PPIP5K1: variants seen among roughly 807,000 people sequenced by gnomAD.
PPIP5K1 encodes inositol hexakisphosphate and diphosphoinositol-pentakisphosphate kinase 1.
PPIP5K1 carries 6 observed loss-of-function variants against 27.7 expected under a neutral mutation model. The ratio of observed to expected loss-of-function variants is 0.22; its 90% confidence interval spans 0.12 to 0.43. The LOEUF (loss-of-function observed/expected upper bound fraction) is 0.43, where lower values mean the gene tolerates loss of function less well. PPIP5K1 is among the 20% of genes least tolerant of loss of function. The pLI, the probability that PPIP5K1 is intolerant of heterozygous loss-of-function variation, is 1.00. For synonymous variants in PPIP5K1, 145 were observed against 242.6 expected, an observed-to-expected ratio of 0.60 and a Z score of 3.74; for missense variants, 394 against 635.4, an observed-to-expected ratio of 0.62 and a Z score of 4.08.
intron 30 of PPIP5K1, among the ~76,000 whole-genome samples, chr15:43,546,118 T>C: frequency 6.6e-6 from 1 of 152,352 alleles, no homozygotes; most frequent in African/African-American, 2.4e-5. Context: ...GGATATTTCA[T>C]ATAAATAAAA....
At chr15:43,556,088 G>C (rs981895640) in intron 30 of PPIP5K1, among the ~76,000 whole-genome samples, 2 of 152,110 alleles carry the variant, frequency 1.3e-5, no homozygotes, top group African/African-American at 4.8e-5. Flanking sequence ...GGGAGATCAA[G>C]TCAGGCGGAT....
At position 43,540,861 on chromosome 15, in the gene PPIP5K1, CAA is replaced by C. The variant is rs34085400; in HGVS notation, c.3557-1280_3557-1279del. Among the ~76,000 whole-genome samples the C allele has an allele frequency of 8.3e-3, 612 of 73,848 alleles. 3 individuals carry two copies. The highest frequency in any genetic ancestry group is 0.027 in the African/African-American group (575 of 21,156). The allele number at this position is 73,848 out of a possible 152,430, so 48.4% of individuals were successfully genotyped here. A position where few individuals can be genotyped will look rare whatever the true frequency, so the allele number is the denominator to read the frequency against. Reference sequence around the variant, plus strand: ...TGGGCGACAGAGAGAGACTCTGTCTCAAAAAAAAAAAAAAAAAAAAGAGAAGA... The same window carrying C: ...TGGGCGACAGAGAGAGACTCTGTCTCAAAAAAAAAAAAAAAAAAGAGAAGA... On this transcript the variant is annotated intron_variant, in intron 30 of 31. Transcript: ENST00000420765.
intron 26 of PPIP5K1, among the ~76,000 whole-genome samples, chr15:43,567,115 C>T (rs2084181485): frequency 2.9e-5 from 3 of 103,614 alleles, no homozygotes; most frequent in Middle Eastern, 4.1e-3. Flanking sequence ...ATTGTTGTTT[C>T]GGGTTTTTTT....
intron 30 of PPIP5K1, among the ~76,000 whole-genome samples, chr15:43,557,113 G>A (rs116992540): frequency 0.013 from 1,971 of 152,128 alleles, 20 homozygotes; most frequent in Non-Finnish European, 0.02. Flanking sequence ...TTCAATTTTT[G>A]TCAAATGCCT....
chr15:43,539,326 A>AG, intron 31 of PPIP5K1, 144 bp downstream of exon 31: 1 of 660,156 alleles, frequency 1.5e-6, no homozygotes, highest in Non-Finnish European at 2.8e-6. Flanking sequence ...CATCTTAGAA[A>AG]TGGCAGATGA....
intron 30 of PPIP5K1, among the ~76,000 whole-genome samples, chr15:43,557,061 G>A (rs1021660362): frequency 7.9e-5 from 12 of 152,196 alleles, no homozygotes; most frequent in African/African-American, 2.2e-4. Context: ...TTAGATTTCC[G>A]ATCCATATGG....
At position 43,552,938 on chromosome 15, in the gene PPIP5K1, G is replaced by A. The variant is rs536379449; in HGVS notation, c.3556+5857C>T. Among the ~76,000 whole-genome samples the A allele has an allele frequency of 5.3e-5, 8 of 152,138 alleles. No individual in the cohort carries two copies. The East Asian group carries it at 1.4e-3, about 26-fold the overall frequency. On this transcript the variant is annotated intron_variant, in intron 30 of 31. Coordinates refer to ENST00000420765, the MANE Select transcript of PPIP5K1 (RefSeq NM_001394395.1). ...CGTGCCTGTAGTCCCAGCTACTCAG[G>A]AGGCTGAGGTGGGGAATCGCTTGAA...
At chr15:43,558,759 G>A (rs1486650185) in intron 30 of PPIP5K1, 36 bp downstream of exon 30, 8 of 1,610,214 alleles carry the variant, frequency 5.0e-6, no homozygotes, top group Non-Finnish European at 6.8e-6. Flanking sequence ...GGGCATGGGG[G>A]CAGAGAGAAG....
chr15:43,539,822 T>C (rs1470744706), intron 30 of PPIP5K1, among the ~76,000 whole-genome samples: 1 of 152,226 alleles, frequency 6.6e-6, no homozygotes, highest in Non-Finnish European at 1.5e-5. Context: ...AATGCCCATA[T>C]ACCCGTCTCC....
chr15:43,535,110 C>T lies in PPIP5K1; in HGVS notation c.4037G>A (p.Cys1346Tyr). ...GTTACCATTGTCATGGTTCTCCTGGCATTGCTGGCTGATGTCAGGGACCTT... is the reference window on the plus strand; with the variant it reads ...GTTACCATTGTCATGGTTCTCCTGGTATTGCTGGCTGATGTCAGGGACCTT... ...CQKVPDISQQCQENHDNGNHT... is the reference protein window; with the variant it reads ...CQKVPDISQQYQENHDNGNHT... The change falls in exon 32 of 32, where the codon TGC becomes TAC. Residue 1346 changes from cysteine (C) to tyrosine (Y), a missense_variant. By Grantham distance (194) the Cys-to-Tyr change is radical (BLOSUM62 -2). Around this residue, in one of 4 missense-constraint regions of PPIP5K1, gnomAD observed 379 missense variants for 423.9 expected, o/e 0.89. Transcript: ENST00000420765. 6.2e-7 allele frequency: 1 copy of T among 1,613,710 alleles called. No individual in the cohort carries two copies. The highest frequency in any genetic ancestry group is 8.5e-7 in the Non-Finnish European group (1 of 1,179,908).
chr15:43,553,938 C>CT (rs2082586601), intron 30 of PPIP5K1, among the ~76,000 whole-genome samples: 3 of 152,162 alleles, frequency 2.0e-5, no homozygotes, highest in Non-Finnish European at 4.4e-5. Context: ...AGCCACCTCG[C>CT]CTGGCCACTT....
chr15:43,552,195 T>C (rs1309188096), intron 30 of PPIP5K1, among the ~76,000 whole-genome samples: 4 of 152,016 alleles, frequency 2.6e-5, no homozygotes, highest in African/African-American at 9.7e-5. Context: ...GCTCAAGCAA[T>C]CCTCCCACTT....
intron 30 of PPIP5K1, among the ~76,000 whole-genome samples, chr15:43,542,014 A>C (rs750551658): frequency 6.6e-6 from 1 of 152,186 alleles, no homozygotes; most frequent in African/African-American, 2.4e-5. Context: ...AAGTTTACTA[A>C]CTAGGTTAAG....
intron 30 of PPIP5K1, among the ~76,000 whole-genome samples, chr15:43,547,118 A>G (rs2081470429): frequency 6.6e-6 from 1 of 152,090 alleles, no homozygotes; most frequent in African/African-American, 2.4e-5. Flanking sequence ...GTGGTATGTC[A>G]CTGTGGTTTA....
intron 31 of PPIP5K1, among the ~76,000 whole-genome samples, chr15:43,537,556 G>A (rs1291518013): frequency 6.6e-6 from 1 of 150,404 alleles, no homozygotes; most frequent in Non-Finnish European, 1.5e-5. Context: ...AGGTATGGTG[G>A]CACGTGCCTG....
chr15:43,549,056 A>AAAATATAT (rs1567039538), intron 30 of PPIP5K1, among the ~76,000 whole-genome samples: 1 of 54,290 alleles, frequency 1.8e-5, no homozygotes, highest in Non-Finnish European at 2.8e-5. Flanking sequence ...AAAAAAAAAA[A>AAAATATAT]ATATATATAT....
intron 30 of PPIP5K1, among the ~76,000 whole-genome samples, chr15:43,540,861 CA>C (rs34085400): frequency 0.38 from 28,007 of 74,036 alleles, 3,018 homozygotes; most frequent in African/African-American, 0.57. Flanking sequence ...GACTCTGTCT[CA>C]AAAAAAAAAA....
rs925208871 is a variant in PPIP5K1 at position 43,546,623 on chromosome 15, C to T, written c.3557-7040G>A. Among the ~76,000 whole-genome samples the T allele has an allele frequency of 3.5e-5, 5 of 142,650 alleles. No individual in the cohort carries two copies. The Admixed American group carries it at 3.6e-4, about 10-fold the overall frequency. 93.6% of individuals were successfully genotyped at this position (142,650 alleles called of 152,430 possible). ...TTGTGAATAGTGTTGCCATGAACAT[C>T]TGTGTGTATTTGTTTGAGTACCTGT... On this transcript the variant is annotated intron_variant, in intron 30 of 31. Transcript: ENST00000420765.
In PPIP5K1 at chr15:43,535,425, G is replaced by A. The variant is rs756209203; in HGVS notation, c.3722C>T (p.Thr1241Ile). The part of the protein sequence containing the change: ...TVSSAGPSSP[T>I]TVDGNSQFGF... ...AAATTGGGAGTTACCATCTACTGTA[G>A]TAGGGGAAGAAGGACCAGCACTGGA... The change falls in exon 32 of 32, where the codon ACT (threonine) becomes ATT (isoleucine). Residue 1241 changes from threonine to isoleucine, a missense_variant. This residue lies in a region of PPIP5K1 where 379 missense variants were observed against 423.9 expected (regional missense o/e 0.89). Coordinates refer to ENST00000420765, the MANE Select transcript of PPIP5K1 (RefSeq NM_001394395.1). 5.6e-6 allele frequency: 9 copies of A among 1,612,072 alleles called. No individual in the cohort carries two copies. The highest frequency in any genetic ancestry group is 4.5e-5 in the East Asian group (2 of 44,874).
Sources: gnomAD v4.1 joint callset for allele counts (sites outside exome capture counted in the v4.1 genomes callset) on GRCh38, gnomAD v4.1.1 for gene constraint, gnomAD v4.1.1 regional missense constraint, MANE v1.5 for transcripts, NCBI Gene and HGNC (gene_info 2026-07-23, HGNC 2026-07-21) for gene names.